Variants in BMP2K observed in about 807,000 individuals in gnomAD.
BMP2K encodes the protein BMP2 inducible kinase, also known as BMP-2-inducible protein kinase.
In BMP2K, 74 loss-of-function variants were observed where a neutral mutation model predicts 116.0. The ratio of observed to expected loss-of-function variants is 0.64; its 90% CI spans 0.53 to 0.77. BMP2K has a LOEUF of 0.77. Among genes scored for constraint, BMP2K ranks in the 30% least tolerant of loss-of-function variants. The pLI, the probability that BMP2K is intolerant of heterozygous loss-of-function variation, is 0.00. For missense variants in BMP2K, 1,365 were observed against 1,403.6 expected, an observed-to-expected ratio of 0.97 and a Z score of 0.44; for synonymous variants, 486 against 502.5, an observed-to-expected ratio of 0.97 and a Z score of 0.44.
At chr4:78,777,603 T>C (rs1327126416) in intron 1 of BMP2K, among the ~76,000 whole-genome samples, 2 of 152,248 alleles carry the variant, frequency 1.3e-5, no homozygotes, top group African/African-American at 4.8e-5. Flanking sequence ...TTTGAGTTTT[T>C]AGTTGCAAAA....
At chr4:78,818,465 G>GTTT (rs1729463183) in intron 1 of BMP2K, among the ~76,000 whole-genome samples, 9 of 152,174 alleles carry the variant, frequency 5.9e-5, no homozygotes, top group Non-Finnish European at 1.3e-4. Flanking sequence ...TCTGACTGGC[G>GTTT]TGAGATGGTA....
chr4:78,828,527 G>A (rs2110003107), intron 2 of BMP2K, among the ~76,000 whole-genome samples: 1 of 152,266 alleles, frequency 6.6e-6, no homozygotes, highest in East Asian at 1.9e-4. Flanking sequence ...CCCACAATCA[G>A]AAAGGTGGGC....
intron 14 of BMP2K, chr4:78,879,435 A>G (rs547623148): frequency 3.0e-6 from 3 of 984,022 alleles, no homozygotes; most frequent in African/African-American, 1.7e-5. Flanking sequence ...TTCACTTTAA[A>G]TCAGATATCT....
chr4:78,830,573 G>C (rs2048082686), intron 2 of BMP2K, among the ~76,000 whole-genome samples: 1 of 152,220 alleles, frequency 6.6e-6, no homozygotes, highest in South Asian at 2.1e-4. Context: ...ATAGAAGGCT[G>C]TTTTGTCTAT....
At chr4:78,800,339 T>G (rs1180401480) in intron 1 of BMP2K, among the ~76,000 whole-genome samples, 1 of 152,208 alleles carries the variant, frequency 6.6e-6, no homozygotes, top group Non-Finnish European at 1.5e-5. Flanking sequence ...TGCATAAGCA[T>G]CAACATGTTA....
At chr4:78,810,014 G>A (rs1315438226) in intron 1 of BMP2K, among the ~76,000 whole-genome samples, 3 of 152,226 alleles carry the variant, frequency 2.0e-5, no homozygotes, top group East Asian at 3.9e-4. Flanking sequence ...AGGATTTTTT[G>A]TTGTTGTTGC....
rs1732429911 is a variant in BMP2K, at chr4:78,872,708, C to T, written c.1703C>T (p.Pro568Leu). The T allele has an allele frequency of 1.9e-6, 3 of 1,614,172 alleles. No homozygotes were observed. The highest frequency in any genetic ancestry group is 1.6e-4 in the Middle Eastern group (1 of 6,062). ...GCATCACCTGAATATCTTACCTCCC[C>T]TCAAGAGTTCTCACCAGCCTTAGTT... is the stretch of plus-strand genomic sequence containing the variant. Reference protein sequence around the residue: ...QQASPEYLTSPQEFSPALVSY... With the variant: ...QQASPEYLTSLQEFSPALVSY... The change falls in exon 13 of 16, where the codon CCT becomes CTT. Residue 568 changes from proline to leucine, a missense_variant. Around this residue, in one of 3 missense-constraint regions of BMP2K, gnomAD observed 762 missense variants for 756.7 expected, o/e 1.01. Transcript: ENST00000502613.
At chr4:78,900,132 A>C (rs1173559899) in intron 15 of BMP2K, among the ~76,000 whole-genome samples, 1 of 152,206 alleles carries the variant, frequency 6.6e-6, no homozygotes, top group East Asian at 1.9e-4. Context: ...CAGCCTACTC[A>C]ATGTGAAGAC....
At chr4:78,836,348 T>C (rs373094233) in intron 3 of BMP2K, among the ~76,000 whole-genome samples, 4 of 150,768 alleles carry the variant, frequency 2.7e-5, no homozygotes, top group Non-Finnish European at 5.9e-5. Context: ...ACCGGGGAGG[T>C]GGAGGTTGCA....
In BMP2K at chr4:78,859,701, C is replaced by T; in HGVS notation, c.987+14C>T. 1 of 1,487,220 alleles carries T rather than the reference C, an allele frequency of 6.7e-7. No individual in the cohort carries two copies. The highest frequency in any genetic ancestry group is 9.3e-7 in the Non-Finnish European group (1 of 1,072,412). 92.1% of individuals were successfully genotyped at this position (1,487,220 alleles called of 1,614,324 possible). A position where few individuals can be genotyped will look rare whatever the true frequency, so the allele number is the denominator to read the frequency against. On this transcript the variant is annotated intron_variant, in intron 8 of 15. Coordinates refer to ENST00000502613, the MANE Select transcript of BMP2K (RefSeq NM_198892.2). ...TCCAACATCAATGTAAGTAGATTTT[C>T]AAGTAGGATATGAATTTAAAATTCA...
At chr4:78,808,928 G>C (rs1728951372) in intron 1 of BMP2K, among the ~76,000 whole-genome samples, 1 of 152,156 alleles carries the variant, frequency 6.6e-6, no homozygotes, top group African/African-American at 2.4e-5. Flanking sequence ...GCATTTTGCT[G>C]TTGTTGAGGG....
At chr4:78,803,628 C>A (rs1212104699) in intron 1 of BMP2K, among the ~76,000 whole-genome samples, 1 of 152,204 alleles carries the variant, frequency 6.6e-6, no homozygotes, top group Non-Finnish European at 1.5e-5. Context: ...ATCCACCCAC[C>A]TCAGCCTCCC....
At chr4:78,779,364 C>T (rs1727395078) in intron 1 of BMP2K, among the ~76,000 whole-genome samples, 1 of 152,196 alleles carries the variant, frequency 6.6e-6, no homozygotes, top group South Asian at 2.1e-4. Flanking sequence ...TGTATTTTCT[C>T]TGTAGTCTTT....
rs1228645376 is a variant in BMP2K at position 78,913,627 on chromosome 4, A to C, written c.*1594A>C. 6.6e-6 allele frequency: 1 copy of C among 152,318 alleles called. No individual in the cohort carries two copies. Among genetic ancestry groups the C allele is most frequent in the Non-Finnish European group, 1.5e-5 (1 of 67,994 alleles). 9.4% of individuals were successfully genotyped at this position (152,318 alleles called of 1,614,324 possible). A position where few individuals can be genotyped will look rare whatever the true frequency, so the allele number is the denominator to read the frequency against. On this transcript the variant is annotated 3_prime_UTR_variant, in exon 16 of 16. Coordinates refer to ENST00000502613, the MANE Select transcript of BMP2K (RefSeq NM_198892.2). ...AGTATATTTTACGAGTAATTTTATT[A>C]GGAATCTCTTATAGTGCCCCAATGG...
At chr4:78,784,445 G>A (rs1445102768) in intron 1 of BMP2K, among the ~76,000 whole-genome samples, 2 of 152,162 alleles carry the variant, frequency 1.3e-5, no homozygotes, top group African/African-American at 4.8e-5. Context: ...GAAGTTGAGT[G>A]GTTAATGACT....
At chr4:78,817,651 C>T (rs942283607) in intron 1 of BMP2K, among the ~76,000 whole-genome samples, 3 of 152,056 alleles carry the variant, frequency 2.0e-5, no homozygotes, top group Admixed American at 6.6e-5. Context: ...AAAAGAAGCA[C>T]GATTGATTAA....
At chr4:78,812,563 C>T (rs777356233) in intron 1 of BMP2K, among the ~76,000 whole-genome samples, 11 of 152,134 alleles carry the variant, frequency 7.2e-5, no homozygotes, top group African/African-American at 9.7e-5. Flanking sequence ...TGAAATTTTA[C>T]CCTACTAAGT....
At chr4:78,833,812 A>T (rs1229997745) in intron 3 of BMP2K, 125 bp downstream of exon 3, 3 of 641,910 alleles carry the variant, frequency 4.7e-6, no homozygotes, top group Non-Finnish European at 8.0e-6. Context: ...CTTACCTTTC[A>T]TTATCTAATT....
chr4:78,909,626 C>T (rs1301687122), intron 15 of BMP2K, among the ~76,000 whole-genome samples: 1 of 152,142 alleles, frequency 6.6e-6, no homozygotes, highest in Non-Finnish European at 1.5e-5. Context: ...GAAGCTGCTT[C>T]CAGCTTATCC....
Sources: gnomAD v4.1 joint callset for allele counts (sites outside exome capture counted in the v4.1 genomes callset) on GRCh38, gnomAD v4.1.1 for gene constraint, gnomAD v4.1.1 regional missense constraint, MANE v1.5 for transcripts, NCBI Gene and HGNC (gene_info 2026-07-23, HGNC 2026-07-21) for gene names.